The following PEBP4 variants were observed in gnomAD, a reference collection of about 807,000 sequenced individuals.
PEBP4 encodes phosphatidylethanolamine-binding protein 4.
In PEBP4, 22 loss-of-function variants were observed where a neutral mutation model predicts 23.9. The ratio of observed to expected loss-of-function variants is 0.92; its 90% confidence interval spans 0.66 to 1.31. The LOEUF (loss-of-function observed/expected upper bound fraction) is 1.31. PEBP4 is among the 40% of genes most tolerant of loss of function. The pLI is 0.00. For missense variants in PEBP4, 324 were observed against 281.7 expected (o/e 1.15, Z -1.07); for synonymous variants, 112 against 99.3 (o/e 1.13, Z -0.76).
rs36234109 is a variant in PEBP4, at chr8:22,865,364, ACGGTGGCGGTGGCGGTGG to A, written c.259-47647_259-47630del. Among the ~76,000 whole-genome samples the A allele has an allele frequency of 6.6e-6, 1 of 151,358 alleles. No individual in the cohort carries two copies. Among genetic ancestry groups the A allele is most frequent in the Non-Finnish European group, 1.5e-5 (1 of 67,754 alleles). ...TCCCGCTGCCCACCCACGGGCGGTG[ACGGTGGCGGTGGCGGTGG>A]CGGCGGCGGGACCCCGGGCCTGGCT... On this transcript the variant is annotated intron_variant, in intron 3 of 6. Coordinates refer to ENST00000256404, the MANE Select transcript of PEBP4 (RefSeq NM_144962.3). The surrounding 1 kb of genome is among the most constrained non-coding windows in gnomAD (Gnocchi z 6.9).
intron 4 of PEBP4, among the ~76,000 whole-genome samples, chr8:22,812,990 GGAACC>G (rs1161235516): frequency 6.6e-6 from 1 of 152,160 alleles, no homozygotes; most frequent in Non-Finnish European, 1.5e-5. Context: ...GCTCAGCAGT[GGAACC>G]GATCACTCAA....
At chr8:22,878,923 C>T (rs183686014) in intron 3 of PEBP4, among the ~76,000 whole-genome samples, 4 of 152,290 alleles carry the variant, frequency 2.6e-5, no homozygotes, top group African/African-American at 4.8e-5. Context: ...CACAGAGCAC[C>T]GGGTAGGGGG....
chr8:22,820,190 G>A (rs1390848007), intron 3 of PEBP4, among the ~76,000 whole-genome samples: 1 of 152,164 alleles, frequency 6.6e-6, no homozygotes, highest in Non-Finnish European at 1.5e-5. Context: ...GTTTATCAGG[G>A]GAAGAGGGAT....
intron 4 of PEBP4, among the ~76,000 whole-genome samples, chr8:22,796,383 C>T (rs1191755127): frequency 6.6e-6 from 1 of 152,086 alleles, no homozygotes; most frequent in African/African-American, 2.4e-5. Context: ...CATACAGTGC[C>T]CAGCAGAGTG....
intron 6 of PEBP4, among the ~76,000 whole-genome samples, chr8:22,719,594 CG>C (rs1431322197): frequency 6.6e-6 from 1 of 152,172 alleles, no homozygotes; most frequent in African/African-American, 2.4e-5. Context: ...GTCAGGAGAG[CG>C]GGGATGTAGG....
chr8:22,835,081 C>T (rs1289685575), intron 3 of PEBP4, among the ~76,000 whole-genome samples: 6 of 152,130 alleles, frequency 3.9e-5, no homozygotes, highest in Non-Finnish European at 5.9e-5. Context: ...AGAGGTTATT[C>T]GAGTAAACGA....
At chr8:22,915,422 A>C (rs1809052403) in intron 3 of PEBP4, among the ~76,000 whole-genome samples, 2 of 114,032 alleles carry the variant, frequency 1.8e-5, no homozygotes, top group African/African-American at 3.5e-5. Context: ...CTCATCCCTC[A>C]CCTCACCATC....
chr8:22,927,747 C>A (rs545439608), intron 1 of PEBP4, 27 bp from the exon 2 acceptor site: 2 of 1,612,526 alleles, frequency 1.2e-6, no homozygotes, highest in African/African-American at 2.7e-5. Context: ...TTTAGAGCGG[C>A]TGGATCCCCT....
intron 3 of PEBP4, among the ~76,000 whole-genome samples, chr8:22,917,482 C>T (rs535204335): frequency 2.0e-5 from 3 of 152,300 alleles, no homozygotes; most frequent in African/African-American, 7.2e-5. Context: ...CTGCCTGTGC[C>T]AGCGCCCCCT....
At chr8:22,785,944 A>G (rs1169554314) in intron 4 of PEBP4, among the ~76,000 whole-genome samples, 1 of 152,168 alleles carries the variant, frequency 6.6e-6, no homozygotes, top group African/African-American at 2.4e-5. Context: ...GGATAGGTGG[A>G]TTCACTTCTT....
intron 3 of PEBP4, among the ~76,000 whole-genome samples, chr8:22,908,479 G>T (rs996115116): frequency 2.6e-5 from 4 of 152,080 alleles, no homozygotes; most frequent in Non-Finnish European, 5.9e-5. Context: ...ACTGAGGATT[G>T]ACCACTGGCT....
chr8:22,918,766 T>C (rs948752837), intron 3 of PEBP4, among the ~76,000 whole-genome samples: 5 of 152,122 alleles, frequency 3.3e-5, no homozygotes, highest in South Asian at 2.1e-4. Context: ...CTCTAAAAGA[T>C]TGGGTTCCTG....
intron 4 of PEBP4, among the ~76,000 whole-genome samples, chr8:22,799,295 T>A (rs1806333973): frequency 1.3e-5 from 2 of 152,248 alleles, no homozygotes; most frequent in African/African-American, 4.8e-5. Flanking sequence ...TGTTGTTTAC[T>A]GTTGCTTGGA....
At chr8:22,800,265 A>G (rs1289623229) in intron 4 of PEBP4, among the ~76,000 whole-genome samples, 1 of 152,072 alleles carries the variant, frequency 6.6e-6, no homozygotes, top group Non-Finnish European at 1.5e-5. Flanking sequence ...TGCTAACCAT[A>G]GGTTGGATGG....
chr8:22,740,530 C>T (rs1804967006), intron 4 of PEBP4, among the ~76,000 whole-genome samples: 1 of 152,244 alleles, frequency 6.6e-6, no homozygotes, highest in Admixed American at 6.5e-5. Context: ...AGCACCACCA[C>T]AGCAGCTTCC....
At chr8:22,855,549 TGAG>T (rs1807628968) in intron 3 of PEBP4, among the ~76,000 whole-genome samples, 1 of 152,118 alleles carries the variant, frequency 6.6e-6, no homozygotes, top group Non-Finnish European at 1.5e-5. Context: ...TGTGCACCCC[TGAG>T]GTTAAGTCTT....
At chr8:22,733,653 G>C (rs886967574) in intron 4 of PEBP4, among the ~76,000 whole-genome samples, 8 of 152,244 alleles carry the variant, frequency 5.3e-5, no homozygotes, top group Non-Finnish European at 1.2e-4. Context: ...TTGAGTGAGG[G>C]AGAGGACTTA....
chr8:22,824,261 C>T (rs1460541588), intron 3 of PEBP4, among the ~76,000 whole-genome samples: 1 of 152,060 alleles, frequency 6.6e-6, no homozygotes, highest in African/African-American at 2.4e-5. Context: ...AAAAGATTTG[C>T]ACTCAAGGAA....
chr8:22,890,277 C>T (rs1808467225), intron 3 of PEBP4, among the ~76,000 whole-genome samples: 1 of 152,226 alleles, frequency 6.6e-6, no homozygotes, highest in South Asian at 2.1e-4. Context: ...CTGCAGACAT[C>T]AGTTCAGTAG....
Sources: gnomAD v4.1 joint callset for allele counts (sites outside exome capture counted in the v4.1 genomes callset) on GRCh38, gnomAD v4.1.1 for gene constraint, Gnocchi (gnomAD v3.1) non-coding constraint, MANE v1.5 for transcripts, NCBI Gene and HGNC (gene_info 2026-07-23, HGNC 2026-07-21) for gene names.